Variants in CUX2 observed in about 807,000 individuals in gnomAD.
CUX2 encodes the protein homeobox protein cut-like 2.
Under a neutral mutation model 144.8 loss-of-function variants are expected in CUX2, and 40 were observed. The ratio of observed to expected loss-of-function variants is 0.28; its 90% confidence interval spans 0.21 to 0.36. The LOEUF is 0.36. CUX2 is among the 10% of genes least tolerant of loss of function. The pLI is 1.00. For missense variants in CUX2, 1,615 were observed against 1,994.0 expected, an observed-to-expected ratio of 0.81 and a Z score of 3.62; for synonymous variants, 827 against 875.6, an observed-to-expected ratio of 0.94 and a Z score of 0.98.
chr12:111,127,685 T>A (rs530385421), intron 1 of CUX2, among the ~76,000 whole-genome samples: 1 of 152,196 alleles, frequency 6.6e-6, no homozygotes, highest in South Asian at 2.1e-4. Context: ...TCTTTACAGG[T>A]GTATTAATCT....
At position 111,216,018 on chromosome 12, in the gene CUX2, C is replaced by T. The variant is rs138263186; in HGVS notation, c.174+1708C>T. Among the ~76,000 whole-genome samples the T allele has an allele frequency of 7.5e-3, 1,144 of 152,370 alleles. 7 individuals are homozygous for T. Among genetic ancestry groups the T allele is most frequent in the Middle Eastern group, 0.065 (19 of 294 alleles). ...CAGTCTCTCCTGATGGAGAAAGTCA[C>T]GCCGAGGCTTTATTTAAGAGCTCCT... On this transcript the variant is annotated intron_variant, in intron 2 of 21. Coordinates refer to ENST00000261726, the MANE Select transcript of CUX2 (RefSeq NM_015267.4).
At chr12:111,325,517 C>A (rs1292613889) in intron 18 of CUX2, among the ~76,000 whole-genome samples, 1 of 152,162 alleles carries the variant, frequency 6.6e-6, no homozygotes, top group Non-Finnish European at 1.5e-5. Context: ...AGGATGAGCA[C>A]CCTGGGCTGT....
rs1886816495 is a variant in CUX2 at position 111,310,185 on chromosome 12, T to G, written c.1403T>G (p.Leu468Trp). Residue 468 changes from leucine (L) to tryptophan (W), a missense_variant, in exon 15 of 22, where the codon TTG becomes TGG. Leu to Trp is a moderately conservative substitution (Grantham distance 61, BLOSUM62 -2). Coordinates refer to ENST00000261726, the MANE Select transcript of CUX2 (RefSeq NM_015267.4). The surrounding 1 kb of genome is among the most constrained non-coding windows in gnomAD (Gnocchi z 7.9). Reference protein sequence around the residue: ...SPGQPLLGPSLGPDGTRTFSL... With the variant: ...SPGQPLLGPSWGPDGTRTFSL... Reference sequence around the variant, plus strand: ...GGGCAGCCCCTGCTGGGCCCCAGCTTGGGGCCTGACGGCACTCGGACTTTC... The same window carrying G: ...GGGCAGCCCCTGCTGGGCCCCAGCTGGGGGCCTGACGGCACTCGGACTTTC... 1 of 1,547,150 alleles carries G rather than the reference T, an allele frequency of 6.5e-7. No individual in the cohort carries two copies. The highest frequency in any genetic ancestry group is 1.4e-5 in the African/African-American group (1 of 72,544).
At chr12:111,137,974 G>A (rs1876024718) in intron 1 of CUX2, among the ~76,000 whole-genome samples, 1 of 152,232 alleles carries the variant, frequency 6.6e-6, no homozygotes, top group African/African-American at 2.4e-5. Context: ...CTTTGGGCAA[G>A]TGTCTTAACC....
intron 1 of CUX2, among the ~76,000 whole-genome samples, chr12:111,122,493 G>A (rs1038062922): frequency 6.6e-6 from 1 of 152,180 alleles, no homozygotes; most frequent in African/African-American, 2.4e-5. Flanking sequence ...GAACTGCTCT[G>A]GGAGATGCAA....
intron 1 of CUX2, among the ~76,000 whole-genome samples, chr12:111,141,089 T>C (rs1414530987): frequency 6.6e-6 from 1 of 152,164 alleles, no homozygotes. Flanking sequence ...AAGAGCCTCC[T>C]CTGAGGGACT....
At chr12:111,281,732 G>A (rs1885123442) in intron 4 of CUX2, among the ~76,000 whole-genome samples, 1 of 152,188 alleles carries the variant, frequency 6.6e-6, no homozygotes, top group Admixed American at 6.5e-5. Context: ...GTTTGTCCTT[G>A]TTTTACAGAT....
intron 1 of CUX2, among the ~76,000 whole-genome samples, chr12:111,047,988 G>T (rs138679133): frequency 2.4e-4 from 37 of 152,300 alleles, no homozygotes; most frequent in Admixed American, 6.5e-4. Flanking sequence ...CTGTGCAAAG[G>T]CCCTGAGGTG....
chr12:111,175,224 C>T (rs140847340), intron 1 of CUX2, among the ~76,000 whole-genome samples: 10 of 152,190 alleles, frequency 6.6e-5, no homozygotes, highest in African/African-American at 2.2e-4. Flanking sequence ...TACTTTTCTC[C>T]GAGGAAATTT....
At chr12:111,211,171 A>C (rs547249093) in intron 1 of CUX2, among the ~76,000 whole-genome samples, 55 of 152,314 alleles carry the variant, frequency 3.6e-4, no homozygotes, top group African/African-American at 1.3e-3. Flanking sequence ...TTACCAGTGA[A>C]CTGTGGCAAG....
intron 2 of CUX2, 27 bp downstream of exon 2, chr12:111,214,337 TAACTC>T: frequency 7.5e-7 from 1 of 1,334,928 alleles, no homozygotes; most frequent in Non-Finnish European, 1.1e-6. Context: ...GTTATAGAAT[TAACTC>T]AGTAGGAATG....
rs1163140047 is a variant in CUX2 at position 111,347,775 on chromosome 12, A to C, written c.3911A>C (p.Glu1304Ala). The change falls in exon 22 of 22, where the codon GAG (glutamate) becomes GCG (alanine). Residue 1304 changes from glutamate to alanine, a missense_variant. Physicochemically the swap from Glu to Ala is moderately radical, Grantham distance 107. Transcript: ENST00000261726. ...AQVRIKQEQM[E>A]EDAEEEAGSQ... ...GTGAGGATCAAGCAGGAACAGATGG[A>C]GGAGGATGCTGAGGAAGAGGCAGGC... is the stretch of plus-strand genomic sequence containing the variant. The C allele has an allele frequency of 1.2e-6, 2 of 1,613,710 alleles. No homozygotes were observed. The highest frequency in any genetic ancestry group is 2.2e-5 in the South Asian group (2 of 91,054).
intron 1 of CUX2, among the ~76,000 whole-genome samples, chr12:111,045,693 C>A (rs920136269): frequency 6.6e-6 from 1 of 152,190 alleles, no homozygotes; most frequent in African/African-American, 2.4e-5. Context: ...GCGCTGGGCT[C>A]GGAGCAGTCA....
chr12:111,273,557 G>A (rs1483300640), intron 4 of CUX2, among the ~76,000 whole-genome samples: 2 of 152,182 alleles, frequency 1.3e-5, no homozygotes, highest in East Asian at 1.9e-4. Context: ...CAGTTAAAGG[G>A]TCTTTGCTGC....
At chr12:111,118,378 CT>C (rs921383299) in intron 1 of CUX2, among the ~76,000 whole-genome samples, 2 of 152,180 alleles carry the variant, frequency 1.3e-5, no homozygotes, top group Non-Finnish European at 2.9e-5. Flanking sequence ...TAGAGTGCCC[CT>C]GTACATCTCT....
intron 1 of CUX2, among the ~76,000 whole-genome samples, chr12:111,113,138 T>A (rs1805038956): frequency 6.6e-6 from 1 of 151,258 alleles, no homozygotes; most frequent in African/African-American, 2.4e-5. Flanking sequence ...GTTAATAGAG[T>A]AGGAGTGATG....
chr12:111,177,304 TC>T (rs1878915824), intron 1 of CUX2, among the ~76,000 whole-genome samples: 1 of 151,650 alleles, frequency 6.6e-6, no homozygotes, highest in Admixed American at 6.6e-5. Context: ...CCCCCACTTT[TC>T]CCCCCTGCAG....
At chr12:111,041,110 C>T (rs1269939498) in intron 1 of CUX2, among the ~76,000 whole-genome samples, 1 of 152,264 alleles carries the variant, frequency 6.6e-6, no homozygotes, top group Non-Finnish European at 1.5e-5. Context: ...ATCCTGGCTC[C>T]ATCACCTACT....
At chr12:111,197,684 C>T (rs976661592) in intron 1 of CUX2, among the ~76,000 whole-genome samples, 3 of 152,192 alleles carry the variant, frequency 2.0e-5, no homozygotes, top group African/African-American at 7.2e-5. Context: ...ATGGCTTCAT[C>T]CAGCTGGAGC....
Sources: gnomAD v4.1 joint callset for allele counts (sites outside exome capture counted in the v4.1 genomes callset) on GRCh38, gnomAD v4.1.1 for gene constraint, Gnocchi (gnomAD v3.1) non-coding constraint, MANE v1.5 for transcripts, NCBI Gene and HGNC (gene_info 2026-07-23, HGNC 2026-07-21) for gene names.